Variants in GET1 observed in about 807,000 individuals in gnomAD.
The protein encoded by GET1 is congenital heart disease 5 protein.
In GET1, 20 loss-of-function variants were observed where a neutral mutation model predicts 22.6. The observed-to-expected ratio is 0.89, with a 90% confidence interval of 0.62 to 1.29. The LOEUF is 1.29. Among genes scored for constraint, GET1 ranks in the 50% most tolerant of loss-of-function variants. The pLI is 0.00. For missense variants in GET1, 209 were observed against 219.9 expected (o/e 0.95, Z 0.31); for synonymous variants, 92 against 83.8 (o/e 1.10, Z -0.53).
At chr21:39,387,967 C>A in intron 1 of GET1, 2 of 591,790 alleles carry the variant, frequency 3.4e-6, no homozygotes, top group Non-Finnish European at 4.3e-6. Context: ...TCGAAACAAA[C>A]ACAAATGTGC....
intron 3 of GET1, chr21:39,392,936 G>A: frequency 2.0e-6 from 1 of 494,922 alleles, no homozygotes; most frequent in South Asian, 3.1e-5. Flanking sequence ...GCAGTGTTCA[G>A]ACATGCTGCT....
downstream of GET1, among the ~76,000 whole-genome samples, chr21:39,398,266 C>T (rs982558328): frequency 2.0e-5 from 3 of 152,086 alleles, no homozygotes; most frequent in Admixed American, 6.5e-5. Context: ...GTCCTTCAGA[C>T]GAAATATAGC....
intron 1 of GET1, among the ~76,000 whole-genome samples, chr21:39,384,560 G>A (rs1012094307): frequency 1.8e-5 from 2 of 114,016 alleles, no homozygotes; most frequent in Admixed American, 2.0e-4. Context: ...ACACCTGGCC[G>A]ACAATTTTTT....
chr21:39,426,102 T>C (rs767990398), intron 1 of GET1: 1 of 152,216 alleles, frequency 6.6e-6, no homozygotes, highest in Non-Finnish European at 1.5e-5. Context: ...GCCCTTTCCA[T>C]GTCCCTGCCC....
chr21:39,418,281 C>G (rs938714327), intron 1 of GET1, among the ~76,000 whole-genome samples: 12 of 152,154 alleles, frequency 7.9e-5, no homozygotes, highest in Non-Finnish European at 1.3e-4. Flanking sequence ...GCCTTCCTTT[C>G]TTCACTTACC....
At chr21:39,389,462 G>T (rs1344062439) in intron 1 of GET1, among the ~76,000 whole-genome samples, 2 of 152,158 alleles carry the variant, frequency 1.3e-5, no homozygotes, top group Non-Finnish European at 2.9e-5. Flanking sequence ...CTTTCTAAGT[G>T]TCTTTGTTGA....
At chr21:39,413,983 GC>G (rs1486153176) in intron 1 of GET1, 2 of 152,314 alleles carry the variant, frequency 1.3e-5, no homozygotes, top group African/African-American at 4.8e-5. Flanking sequence ...GGTCCTCCTT[GC>G]GGCTTGGAGC....
At chr21:39,416,762 C>G (rs1009236610) in intron 1 of GET1, among the ~76,000 whole-genome samples, 3 of 152,104 alleles carry the variant, frequency 2.0e-5, no homozygotes, top group Non-Finnish European at 2.9e-5. Flanking sequence ...CTCAAAACAA[C>G]AACATCAACA....
intron 3 of GET1, among the ~76,000 whole-genome samples, chr21:39,392,523 G>T (rs557162206): frequency 0.017 from 2,634 of 152,196 alleles, 41 homozygotes; most frequent in Non-Finnish European, 0.027. Flanking sequence ...ATAAGTTTCC[G>T]CAGACAAAGG....
chr21:39,411,886 T>C, intron 1 of GET1: 1 of 719,586 alleles, frequency 1.4e-6, no homozygotes, highest in Non-Finnish European at 2.4e-6. Flanking sequence ...TTAAATGAGC[T>C]CAGTATCCTA....
chr21:39,382,572 G>A (rs964768951), intron 1 of GET1, among the ~76,000 whole-genome samples: 2 of 152,170 alleles, frequency 1.3e-5, no homozygotes, highest in African/African-American at 4.8e-5. Flanking sequence ...TTCATCCATG[G>A]TGTATCATGA....
intron 1 of GET1, among the ~76,000 whole-genome samples, chr21:39,420,215 G>T (rs1218501673): frequency 6.6e-6 from 1 of 152,012 alleles, no homozygotes; most frequent in Non-Finnish European, 1.5e-5. Flanking sequence ...ATCTGAGAAA[G>T]ATATTAATGA....
At chr21:39,425,301 T>C (rs924375043) in intron 1 of GET1, among the ~76,000 whole-genome samples, 2 of 152,188 alleles carry the variant, frequency 1.3e-5, no homozygotes, top group African/African-American at 2.4e-5. Context: ...AAGGCAATTC[T>C]ACCTGTGATA....
chr21:39,416,255 C>T (rs1185449526), intron 1 of GET1, among the ~76,000 whole-genome samples: 1 of 152,170 alleles, frequency 6.6e-6, no homozygotes. Flanking sequence ...AGTGACTCAT[C>T]GCTGAGGTGT....
At chr21:39,413,718 T>C (rs1221231320) in intron 1 of GET1, 3 of 152,228 alleles carry the variant, frequency 2.0e-5, no homozygotes, top group Non-Finnish European at 2.9e-5. Flanking sequence ...AGGTGTATTC[T>C]GGATAATAGC....
At chr21:39,393,534 A>C (rs541945884) in intron 4 of GET1, among the ~76,000 whole-genome samples, 32 of 152,218 alleles carry the variant, frequency 2.1e-4, no homozygotes, top group African/African-American at 7.5e-4. Flanking sequence ...ATCCATGCCC[A>C]ATACGTCAAG....
chr21:39,390,551 C>A, intron 1 of GET1, 147 bp from the exon 2 acceptor site: 1 of 1,033,246 alleles, frequency 9.7e-7, no homozygotes, highest in African/African-American at 1.6e-5. Flanking sequence ...ACGTTCACGG[C>A]CGCAGTTTGC....
intron 1 of GET1, chr21:39,428,132 G>A (rs1378328250): frequency 8.6e-7 from 1 of 1,163,392 alleles, no homozygotes; most frequent in Admixed American, 2.1e-5. Context: ...ACATCATTAT[G>A]ACAGAAATTT....
downstream of GET1, among the ~76,000 whole-genome samples, chr21:39,402,110 A>T (rs1443533989): frequency 3.3e-5 from 5 of 151,952 alleles, no homozygotes. Flanking sequence ...TAATTAATTA[A>T]TTAGTTTATT....
Sources: gnomAD v4.1 joint callset for allele counts (sites outside exome capture counted in the v4.1 genomes callset) on GRCh38, gnomAD v4.1.1 for gene constraint, MANE v1.5 for transcripts, NCBI Gene and HGNC (gene_info 2026-07-23, HGNC 2026-07-21) for gene names.